HDAC9: variants seen among roughly 807,000 people sequenced by gnomAD.
The protein encoded by HDAC9 is MEF-2 interacting transcription repressor (MITR) protein.
A neutral mutation model predicts 139.4 loss-of-function variants in HDAC9; 41 were observed. That is an observed-to-expected ratio of 0.29 (90% CI 0.23 to 0.38). The LOEUF (loss-of-function observed/expected upper bound fraction) is 0.38. Among genes scored for constraint, HDAC9 ranks in the 10% least tolerant of loss-of-function variants. The pLI is 1.00. For missense variants in HDAC9, 1,147 were observed against 1,297.0 expected (o/e 0.88, Z 1.78); for synonymous variants, 517 against 476.2 (o/e 1.09, Z -1.12).
At chr7:18,159,666 A>T (rs1408226633) in intron 1 of HDAC9, among the ~76,000 whole-genome samples, 2 of 152,188 alleles carry the variant, frequency 1.3e-5, no homozygotes, top group African/African-American at 4.8e-5. Flanking sequence ...AACTCCTTAA[A>T]TGACCATATT....
chr7:18,932,872 G>GAAAGAAAGAAA (rs1361880453), intron 22 of HDAC9, among the ~76,000 whole-genome samples: 1 of 151,752 alleles, frequency 6.6e-6, no homozygotes, highest in Non-Finnish European at 1.5e-5. Flanking sequence ...AAGAAAGAAA[G>GAAAGAAAGAAA]AAAGAAAGGA....
intron 21 of HDAC9, among the ~76,000 whole-genome samples, chr7:18,869,535 T>C (rs1178509660): frequency 6.6e-6 from 1 of 152,102 alleles, no homozygotes; most frequent in Admixed American, 6.6e-5. Context: ...CTCTTTTCTT[T>C]ATAAATTACC....
Position 18,399,053 on chromosome 7 carries a change from T to C in HDAC9, c.-41-97209T>C, listed in dbSNP as rs996724132. On this transcript the variant is annotated intron_variant, in intron 1 of 3. Coordinates refer to the HDAC9 transcript ENST00000413509. ...ATAAAGCTGCCTATGGGCAAAGTTA[T>C]TGCAGTTGGATTTCTTTTCCTTTGC... 2.6e-5 allele frequency among the ~76,000 whole-genome samples: 4 copies of C among 152,218 alleles called. 1 individual carries two copies. Among genetic ancestry groups the C allele is most frequent in the African/African-American group, 7.2e-5 (3 of 41,462 alleles).
chr7:18,459,282 T>TA (rs1422505685), intron 1 of HDAC9, among the ~76,000 whole-genome samples: 1 of 152,202 alleles, frequency 6.6e-6, no homozygotes, highest in African/African-American at 2.4e-5. Flanking sequence ...AGACTGAGGT[T>TA]AAAATGCTAA....
At chr7:18,245,201 C>T (rs1259336178) in intron 2 of HDAC9, among the ~76,000 whole-genome samples, 1 of 152,166 alleles carries the variant, frequency 6.6e-6, no homozygotes, top group East Asian at 1.9e-4. Context: ...AATTTTGCTT[C>T]ATCTCCCAAA....
At chr7:18,647,218 T>C (rs1325439378) in intron 9 of HDAC9, among the ~76,000 whole-genome samples, 1 of 152,176 alleles carries the variant, frequency 6.6e-6, no homozygotes, top group Non-Finnish European at 1.5e-5. Flanking sequence ...TAAAATATTT[T>C]AGAAATGTAC....
intron 1 of HDAC9, among the ~76,000 whole-genome samples, chr7:18,106,431 A>C (rs987708101): frequency 1.3e-5 from 2 of 151,622 alleles, no homozygotes; most frequent in Non-Finnish European, 2.9e-5. Flanking sequence ...CATGCTGTCT[A>C]TGAGTCTTAT....
At position 18,862,812 on chromosome 7, in the gene HDAC9, T is replaced by C. The variant is rs748918824; in HGVS notation, c.2685-11666T>C. ...AGGAAATTCATTTTGAGAAGAATTA[T>C]GAAGACAGAAAGAGAAAAGCTATGT... On this transcript the variant is annotated intron_variant, in intron 21 of 25. Transcript: ENST00000686413. Among the ~76,000 whole-genome samples the C allele has an allele frequency of 3.9e-5, 6 of 152,218 alleles. No homozygotes were observed. The South Asian group carries it at 1.2e-3, about 32-fold the overall frequency.
intron 25 of HDAC9, among the ~76,000 whole-genome samples, chr7:18,982,473 A>G (rs1785019290): frequency 6.6e-6 from 1 of 152,214 alleles, no homozygotes; most frequent in South Asian, 2.1e-4. Flanking sequence ...TGTGGTTTCC[A>G]ACAATGACCT....
chr7:18,769,582 A>G (rs963270077), intron 16 of HDAC9, among the ~76,000 whole-genome samples: 1 of 151,958 alleles, frequency 6.6e-6, no homozygotes, highest in African/African-American at 2.4e-5. Context: ...GCAAGTTTGC[A>G]CTTGCTGATG....
At chr7:18,905,765 A>G (rs1364993266) in intron 22 of HDAC9, among the ~76,000 whole-genome samples, 2 of 152,172 alleles carry the variant, frequency 1.3e-5, no homozygotes, top group Non-Finnish European at 2.9e-5. Context: ...ATTTTAAACT[A>G]CAACCTCTTA....
At chr7:18,551,000 A>C (rs1004372764) in intron 2 of HDAC9, among the ~76,000 whole-genome samples, 2 of 152,212 alleles carry the variant, frequency 1.3e-5, no homozygotes, top group Non-Finnish European at 2.9e-5. Context: ...AGGTAGAGAG[A>C]ATTATTATTC....
intron 1 of HDAC9, among the ~76,000 whole-genome samples, chr7:18,391,187 C>A (rs2128723250): frequency 6.6e-6 from 1 of 152,012 alleles, no homozygotes; most frequent in East Asian, 1.9e-4. Context: ...GAGTTCGGGA[C>A]CAGCCTGGCC....
At chr7:18,686,053 C>G (rs1782244564) in intron 12 of HDAC9, among the ~76,000 whole-genome samples, 1 of 151,910 alleles carries the variant, frequency 6.6e-6, no homozygotes, top group Non-Finnish European at 1.5e-5. Flanking sequence ...AAGCAGAAGT[C>G]ATACATCTGA....
At chr7:18,741,375 T>C (rs573838722) in intron 13 of HDAC9, among the ~76,000 whole-genome samples, 3 of 152,314 alleles carry the variant, frequency 2.0e-5, no homozygotes, top group East Asian at 1.9e-4. Context: ...TTATGCTAAG[T>C]CTACTCTACC....
intron 1 of HDAC9, among the ~76,000 whole-genome samples, chr7:18,350,098 T>G (rs535296344): frequency 2.0e-5 from 3 of 152,294 alleles, no homozygotes; most frequent in Middle Eastern, 3.4e-3. Flanking sequence ...GAAGTTTGCC[T>G]TTATTTCAAG....
At chr7:18,430,839 A>G (rs1373249618) in intron 1 of HDAC9, 1 of 152,338 alleles carries the variant, frequency 6.6e-6, no homozygotes, top group Non-Finnish European at 1.5e-5. Flanking sequence ...GTGAGCTGAG[A>G]TTGTGCCAGT....
chr7:18,583,289 C>G (rs1291377843), intron 2 of HDAC9, among the ~76,000 whole-genome samples: 4 of 152,090 alleles, frequency 2.6e-5, no homozygotes, highest in African/African-American at 4.8e-5. Flanking sequence ...GATGAGGGAA[C>G]AGAGGCCTAG....
chr7:18,605,692 G>GT (rs1354842816), intron 6 of HDAC9, among the ~76,000 whole-genome samples: 2 of 151,576 alleles, frequency 1.3e-5, no homozygotes, highest in African/African-American at 2.4e-5. Flanking sequence ...TTGTTTGTTT[G>GT]TTTTTTGAGA....
Sources: allele counts gnomAD v4.1 joint callset (sites outside exome capture counted in the v4.1 genomes callset), GRCh38; gene constraint gnomAD v4.1.1; transcripts MANE v1.5; gene names NCBI Gene and HGNC (gene_info 2026-07-23, HGNC 2026-07-21).